The following TMC1 variants were observed in gnomAD, a reference collection of about 807,000 sequenced individuals.
TMC1 encodes transmembrane channel like 1.
A neutral mutation model predicts 105.8 loss-of-function variants in TMC1; 84 were observed. That is an observed-to-expected ratio of 0.79 (90% CI 0.67 to 0.95). TMC1 has a LOEUF of 0.95. Among genes scored for constraint, TMC1 ranks in the 40% least tolerant of loss-of-function variants. The pLI is 0.00. For missense variants in TMC1, 817 were observed against 914.1 expected, an observed-to-expected ratio of 0.89 and a Z score of 1.37; for synonymous variants, 315 against 311.5, an observed-to-expected ratio of 1.01 and a Z score of -0.12.
intron 1 of TMC1, among the ~76,000 whole-genome samples, chr9:72,556,969 A>G (rs1823952321): frequency 6.6e-6 from 1 of 152,214 alleles, no homozygotes; most frequent in South Asian, 2.1e-4. Context: ...TCTAATACGT[A>G]GAGGCCAGGG....
At position 72,826,924 on chromosome 9, in the gene TMC1, A is replaced by G; in HGVS notation, c.2059A>G (p.Ser687Gly). 6.2e-7 allele frequency: 1 copy of G among 1,614,108 alleles called. No individual in the cohort carries two copies. Among genetic ancestry groups the G allele is most frequent in the Non-Finnish European group, 8.5e-7 (1 of 1,179,974 alleles). ...AGAGACCCTGGAGCACGATTTCCCA[A>G]GCTGGATGGCGAAGATCTTGAGACA... Reference protein sequence around the residue: ...IGETLEHDFPSWMAKILRQLS... With the variant: ...IGETLEHDFPGWMAKILRQLS... Residue 687 changes from serine (S) to glycine (G), a missense_variant, in exon 21 of 24, where the codon AGC becomes GGC. Transcript: ENST00000297784.
intron 5 of TMC1, among the ~76,000 whole-genome samples, chr9:72,652,545 A>G (rs1825829460): frequency 6.6e-6 from 1 of 152,202 alleles, no homozygotes; most frequent in African/African-American, 2.4e-5. Context: ...GACAGTTACC[A>G]GAGGGAAGGT....
intron 5 of TMC1, among the ~76,000 whole-genome samples, chr9:72,654,568 G>C (rs1256607626): frequency 6.6e-6 from 1 of 151,954 alleles, no homozygotes; most frequent in Non-Finnish European, 1.5e-5. Context: ...TCAAATAATG[G>C]TATACCCCTT....
intron 2 of TMC1, among the ~76,000 whole-genome samples, chr9:72,596,050 T>C (rs1389918326): frequency 1.3e-5 from 2 of 151,878 alleles, no homozygotes; most frequent in South Asian, 2.1e-4. Flanking sequence ...CTAATTTTTG[T>C]ATTTTTAGTA....
chr9:72,568,568 T>G (rs958234329), intron 1 of TMC1, among the ~76,000 whole-genome samples: 3 of 152,226 alleles, frequency 2.0e-5, no homozygotes, highest in Non-Finnish European at 4.4e-5. Flanking sequence ...CAAAGAAACT[T>G]ACACTGTAAG....
chr9:72,532,748 G>A (rs1823521288), intron 1 of TMC1, among the ~76,000 whole-genome samples: 1 of 152,098 alleles, frequency 6.6e-6, no homozygotes, highest in Admixed American at 6.5e-5. Flanking sequence ...GAGTGCAATA[G>A]TGTATTTTAA....
rs186870175 is a variant in TMC1, at chr9:72,783,341, C to T, written c.885-4998C>T. Among the ~76,000 whole-genome samples, 146 of 152,226 alleles carry T rather than the reference C, an allele frequency of 9.6e-4. 1 individual carries two copies. The South Asian group carries it at 0.026, about 27-fold the overall frequency. ...AATCTGTGGCTGAAGGCCTGAGAGC[C>T]CCTGGCAAACCACTGGTGTAAGTCC... On this transcript the variant is annotated intron_variant, in intron 13 of 23. Coordinates refer to ENST00000297784, the MANE Select transcript of TMC1 (RefSeq NM_138691.3).
chr9:72,822,514 T>TTGTGTGTGTGTGTG (rs368968408), intron 20 of TMC1, among the ~76,000 whole-genome samples: 18 of 135,864 alleles, frequency 1.3e-4, no homozygotes, highest in Admixed American at 4.5e-4. Flanking sequence ...GTTAATTCCG[T>TTGTGTGTGTGTGTG]TGTGTGTGTG....
intron 1 of TMC1, among the ~76,000 whole-genome samples, chr9:72,536,994 C>G (rs552034048): frequency 6.6e-6 from 1 of 152,334 alleles, no homozygotes; most frequent in Admixed American, 6.5e-5. Flanking sequence ...GTGGAAGCTG[C>G]CAAGCCTCCA....
intron 8 of TMC1, among the ~76,000 whole-genome samples, chr9:72,707,949 T>G (rs1826772005): frequency 6.6e-6 from 1 of 152,214 alleles, no homozygotes; most frequent in African/African-American, 2.4e-5. Context: ...AGGTGAGAGA[T>G]GAAGATCCAG....
intron 12 of TMC1, among the ~76,000 whole-genome samples, chr9:72,756,153 T>C (rs1827673545): frequency 6.6e-6 from 1 of 152,226 alleles, no homozygotes; most frequent in Admixed American, 6.5e-5. Context: ...CCCCTGTCAG[T>C]TGGACTTTCC....
chr9:72,613,526 G>A (rs551430884), intron 2 of TMC1, among the ~76,000 whole-genome samples: 3 of 152,152 alleles, frequency 2.0e-5, no homozygotes, highest in East Asian at 1.9e-4. Context: ...TATCTTTTGG[G>A]TGGGCAGTGA....
intron 3 of TMC1, among the ~76,000 whole-genome samples, chr9:72,619,642 T>G (rs1047152182): frequency 6.6e-6 from 1 of 151,868 alleles, no homozygotes; most frequent in Non-Finnish European, 1.5e-5. Flanking sequence ...CAAAATATGT[T>G]ATTTAACTAG....
At chr9:72,816,048 G>C in intron 18 of TMC1, 95 bp from the exon 19 acceptor site, 1 of 1,033,876 alleles carries the variant, frequency 9.7e-7, no homozygotes, top group East Asian at 2.4e-5. Flanking sequence ...CTGAAGGGAA[G>C]TAATTGAAAC....
At chr9:72,625,547 G>T (rs936216748) in intron 3 of TMC1, among the ~76,000 whole-genome samples, 1 of 152,040 alleles carries the variant, frequency 6.6e-6, no homozygotes, top group Non-Finnish European at 1.5e-5. Flanking sequence ...AATTAGCCGG[G>T]CGTGGTGGCG....
chr9:72,789,433 C>A, intron 15 of TMC1, 116 bp downstream of exon 15: 1 of 962,356 alleles, frequency 1.0e-6, no homozygotes. Flanking sequence ...CCTATCCTGC[C>A]CTTACAGTTA....
intron 20 of TMC1, among the ~76,000 whole-genome samples, 186 bp downstream of exon 20, chr9:72,821,267 G>T (rs1828867857): frequency 6.6e-6 from 1 of 152,128 alleles, no homozygotes; most frequent in African/African-American, 2.4e-5. Context: ...GCTGAGGCAG[G>T]CAGATTACCT....
At chr9:72,792,103 G>A in intron 16 of TMC1, 38 bp downstream of exon 16, 1 of 1,613,568 alleles carries the variant, frequency 6.2e-7, no homozygotes. Context: ...CCATAAGAGT[G>A]TTGTTCAATT....
chr9:72,686,447 A>G (rs1826381022), intron 5 of TMC1, among the ~76,000 whole-genome samples: 2 of 152,212 alleles, frequency 1.3e-5, no homozygotes, highest in Non-Finnish European at 2.9e-5. Flanking sequence ...GGAGTTCTTA[A>G]CATAGTTCTT....
Sources: allele counts gnomAD v4.1 joint callset (sites outside exome capture counted in the v4.1 genomes callset), GRCh38; gene constraint gnomAD v4.1.1; transcripts MANE v1.5; gene names NCBI Gene and HGNC (gene_info 2026-07-23, HGNC 2026-07-21).